Variants in RIMS2 observed in about 807,000 individuals in gnomAD.
RIMS2 encodes the protein regulating synaptic membrane exocytosis 2, also known as regulating synaptic membrane exocytosis protein 2.
RIMS2 carries 59 observed loss-of-function variants against 174.4 expected under a neutral mutation model. That is an observed-to-expected ratio of 0.34 (90% CI 0.27 to 0.42). The LOEUF is 0.42. RIMS2 is among the 10% of genes least tolerant of loss of function. The pLI is 1.00. For missense variants in RIMS2, 1,620 were observed against 1,666.3 expected (o/e 0.97, Z 0.48); for synonymous variants, 606 against 572.5 (o/e 1.06, Z -0.84).
chr8:103,644,131 G>A (rs1329115622), intron 1 of RIMS2, among the ~76,000 whole-genome samples: 2 of 151,604 alleles, frequency 1.3e-5, no homozygotes, highest in Admixed American at 6.6e-5. Flanking sequence ...GTTGGCACCC[G>A]TAAGACTGAG....
At chr8:103,998,914 C>T (rs1011111976) in intron 17 of RIMS2, among the ~76,000 whole-genome samples, 7 of 151,808 alleles carry the variant, frequency 4.6e-5, no homozygotes, top group Non-Finnish European at 1.0e-4. Context: ...TCTCAGTTAC[C>T]TGGCATATAA....
rs745839882 is a variant in RIMS2, at chr8:103,893,511, A to G, written c.1624+7288A>G. Among the ~76,000 whole-genome samples the G allele has an allele frequency of 9.3e-4, 142 of 152,200 alleles. 1 individual carries two copies. The highest frequency in any genetic ancestry group is 1.7e-3 in the Non-Finnish European group (113 of 67,988). On this transcript the variant is annotated intron_variant, in intron 4 of 23. Coordinates refer to ENST00000504942, the Ensembl canonical transcript of RIMS2. ...GGAAGTGTCACTTGAGAAAATGATC[A>G]AATAATGCAGTTTAGATCAGGGATA... is the stretch of plus-strand genomic sequence containing the variant.
At chr8:104,092,660 TGA>T (rs2097683416) in intron 19 of RIMS2, among the ~76,000 whole-genome samples, 1 of 151,918 alleles carries the variant, frequency 6.6e-6, no homozygotes, top group Non-Finnish European at 1.5e-5. Flanking sequence ...ACTCAACTAG[TGA>T]GAGTTTTTCT....
rs1348422637 is a variant in RIMS2, at chr8:104,031,970, GA to G, written c.3334+17361del. Among the ~76,000 whole-genome samples the G allele has an allele frequency of 2.0e-5, 3 of 151,908 alleles. No individual in the cohort carries two copies. In the East Asian group the frequency reaches 5.8e-4, roughly 29 times the overall value. ...AGAAAACTAATTACACATATTTTGG[GA>G]AAAAATATAATTATTTTATTATTAT... On this transcript the variant is annotated intron_variant, in intron 19 of 23. Coordinates refer to ENST00000504942, the Ensembl canonical transcript of RIMS2.
At chr8:103,936,235 T>A (rs1565406762) in intron 12 of RIMS2, among the ~76,000 whole-genome samples, 1 of 152,074 alleles carries the variant, frequency 6.6e-6, no homozygotes, top group African/African-American at 2.4e-5. Flanking sequence ...GGTGATATTT[T>A]AAAAAAATTA....
chr8:103,996,071 A>G (rs1189358313), intron 17 of RIMS2, among the ~76,000 whole-genome samples: 2 of 151,962 alleles, frequency 1.3e-5, no homozygotes, highest in East Asian at 3.8e-4. Flanking sequence ...ATTAAGTTCT[A>G]AAGGGGGATT....
At chr8:104,157,405 T>A (rs1373642486) in intron 19 of RIMS2, among the ~76,000 whole-genome samples, 1 of 152,232 alleles carries the variant, frequency 6.6e-6, no homozygotes, top group East Asian at 1.9e-4. Context: ...ACACGTGACA[T>A]AAAGTTTACC....
chr8:103,565,257 G>C (rs1045462538), intron 1 of RIMS2, among the ~76,000 whole-genome samples: 1 of 152,022 alleles, frequency 6.6e-6, no homozygotes, highest in Admixed American at 6.5e-5. Flanking sequence ...AGATGTAAAT[G>C]TACTAAAGTT....
intron 3 of RIMS2, among the ~76,000 whole-genome samples, chr8:103,834,363 G>A (rs1737180194): frequency 8.2e-6 from 1 of 122,190 alleles, no homozygotes; most frequent in Non-Finnish European, 1.6e-5. Context: ...AGAAATGGGA[G>A]TCTCATTTTG....
chr8:104,163,401 C>G (rs1168801581), intron 19 of RIMS2, among the ~76,000 whole-genome samples: 1 of 152,148 alleles, frequency 6.6e-6, no homozygotes, highest in Admixed American at 6.5e-5. Context: ...GTGGGAAAGA[C>G]AGGCCTTAAC....
At chr8:103,898,623 T>C (rs2099307524) in intron 4 of RIMS2, among the ~76,000 whole-genome samples, 1 of 151,660 alleles carries the variant, frequency 6.6e-6, no homozygotes, top group Non-Finnish European at 1.5e-5. Context: ...CCATCACCTT[T>C]GTGCCCTTAT....
intron 1 of RIMS2, among the ~76,000 whole-genome samples, chr8:103,688,814 G>GTTTTATCTTTTCTA: frequency 6.7e-6 from 1 of 150,206 alleles, no homozygotes; most frequent in South Asian, 2.1e-4. Context: ...ACAACTCTTA[G>GTTTTATCTTTTCTA]TTTTATCTTT....
intron 22 of RIMS2, 32 bp from the exon 29 acceptor site, chr8:104,250,992 T>G (rs1470272293): frequency 6.3e-7 from 1 of 1,597,608 alleles, no homozygotes; most frequent in Non-Finnish European, 8.6e-7. Context: ...CATAGTTTAT[T>G]GCTCATTCTC....
rs186908241 is a variant in RIMS2, at chr8:103,761,516, T to C, written c.388-4711T>C. Among the ~76,000 whole-genome samples the C allele has an allele frequency of 2.4e-4, 37 of 152,336 alleles. 1 individual carries two copies. Among genetic ancestry groups the C allele is most frequent in the Admixed American group, 2.4e-3 (36 of 15,306 alleles). On this transcript the variant is annotated intron_variant, in intron 2 of 23. Transcript: ENST00000504942. Reference sequence around the variant, plus strand: ...ACCTTTTTTTCCTGTGGCTTCCTTATCTCCAAGGTCTTGGCTGAACAGCAT... The same window carrying C: ...ACCTTTTTTTCCTGTGGCTTCCTTACCTCCAAGGTCTTGGCTGAACAGCAT...
At chr8:103,827,646 C>T (rs941551115) in intron 3 of RIMS2, among the ~76,000 whole-genome samples, 10 of 152,050 alleles carry the variant, frequency 6.6e-5, no homozygotes, top group Admixed American at 6.5e-4. Flanking sequence ...TCCAGCCTGA[C>T]CAACATGGTG....
intron 1 of RIMS2, among the ~76,000 whole-genome samples, chr8:103,680,460 C>T (rs1053729231): frequency 1.3e-5 from 2 of 151,894 alleles, no homozygotes; most frequent in Non-Finnish European, 2.9e-5. Context: ...TGGTGCCTGA[C>T]TTAGGGGTAG....
intron 20 of RIMS2, 21 bp from the exon 27 acceptor site, chr8:104,248,680 C>T (rs373338024): frequency 1.6e-6 from 2 of 1,281,414 alleles, no homozygotes; most frequent in African/African-American, 1.5e-5. Context: ...GATTTAATCT[C>T]ATATGTTATT....
At chr8:103,951,516 C>T (rs2085355377) in intron 14 of RIMS2, among the ~76,000 whole-genome samples, 1 of 152,206 alleles carries the variant, frequency 6.6e-6, no homozygotes, top group African/African-American at 2.4e-5. Flanking sequence ...GGTTGGAGAA[C>T]TCCCTTTCCC....
intron 19 of RIMS2, among the ~76,000 whole-genome samples, chr8:104,113,622 C>T (rs189853550): frequency 7.2e-5 from 11 of 151,972 alleles, no homozygotes; most frequent in Non-Finnish European, 1.2e-4. Flanking sequence ...TTGGAATTGG[C>T]TCTAGTTATG....
Sources: gnomAD v4.1 joint callset for allele counts (sites outside exome capture counted in the v4.1 genomes callset) on GRCh38, gnomAD v4.1.1 for gene constraint, MANE v1.5 for transcripts, NCBI Gene and HGNC (gene_info 2026-07-23, HGNC 2026-07-21) for gene names.